The following ATP6V1E2 variants were observed in gnomAD, a reference collection of about 807,000 sequenced individuals.
ATP6V1E2 encodes the protein V-type proton ATPase subunit E 2.
For synonymous variants in ATP6V1E2, 121 were observed against 104.2 expected, an observed-to-expected ratio of 1.16 and a Z score of -0.98; for missense variants, 308 against 273.3, an observed-to-expected ratio of 1.13 and a Z score of -0.90.
At chr2:46,540,596 G>C (rs569289884) in intron 2 of ATP6V1E2, among the ~76,000 whole-genome samples, 1 of 122,444 alleles carries the variant, frequency 8.2e-6, no homozygotes, top group South Asian at 3.0e-4. Flanking sequence ...CCTGAAATTT[G>C]AGAGCTTTTT....
chr2:46,512,219 C>A lies in ATP6V1E2; in HGVS notation c.493G>T (p.Val165Phe), dbSNP rs775628350. Residue 165 changes from valine (V) to phenylalanine (F), a missense_variant, in exon 5 of 5, where the codon GTC (valine) becomes TTC (phenylalanine). By Grantham distance (50) the Val-to-Phe change is conservative. Coordinates refer to ENST00000522587, the MANE Select transcript of ATP6V1E2 (RefSeq NM_001318063.2). The part of the protein sequence containing the change: ...YMTISQKHVE[V>F]QIDKEAYLAV... ...AGGTATGCCTCTTTATCAATCTGGA[C>A]CTCCACATGTTTCTGGGAAATTGTC... 6.8e-6 allele frequency: 11 copies of A among 1,614,122 alleles called. No homozygotes were observed. In the East Asian group the frequency reaches 1.6e-4, roughly 23 times the overall value.
intron 4 of ATP6V1E2, among the ~76,000 whole-genome samples, chr2:46,522,657 T>C (rs1396848670): frequency 6.6e-6 from 1 of 152,210 alleles, no homozygotes; most frequent in African/African-American, 2.4e-5. Flanking sequence ...GGCATTTGGG[T>C]TGGTTCCAAG....
chr2:46,512,816 T>G lies in ATP6V1E2; in HGVS notation c.-101-4A>C. 1.0e-6 allele frequency: 1 copy of G among 964,300 alleles called. No homozygotes were observed. Among genetic ancestry groups the G allele is most frequent in the Non-Finnish European group, 1.5e-6 (1 of 662,078 alleles). The allele number at this position is 964,300 out of a possible 1,614,324, so 59.7% of individuals were successfully genotyped here. A position where few individuals can be genotyped will look rare whatever the true frequency, so the allele number is the denominator to read the frequency against. The stretch of plus-strand genomic sequence containing the variant: ...CTCTGGAGTTCCACTTTCTCAGCTA[T>G]ACCAGTGAACAAGAGGATGAAAGAG... On this transcript the variant is annotated splice_polypyrimidine_tract_variant and splice_region_variant and intron_variant, in intron 4 of 4. Transcript: ENST00000522587.
chr2:46,512,383 T>A lies in ATP6V1E2; in HGVS notation c.329A>T (p.Glu110Val), dbSNP rs1432618523. 1 of 1,614,030 alleles carries A rather than the reference T, an allele frequency of 6.2e-7. No individual in the cohort carries two copies. The highest frequency in any genetic ancestry group is 1.3e-5 in the African/African-American group (1 of 74,890). Reference protein sequence around the residue: ...LRLSRIVEDPEVYQGLLDKLV... With the variant: ...LRLSRIVEDPVVYQGLLDKLV... ...TTTATCCAGCAGCCCCTGGTAGACC[T>A]CTGGGTCCTCCACAATCCTGCTGAG... is the stretch of plus-strand genomic sequence containing the variant. Residue 110 changes from glutamate to valine, a missense_variant, in exon 5 of 5, where the codon GAG (glutamate) becomes GTG (valine). By Grantham distance (121) the Glu-to-Val change is moderately radical (BLOSUM62 -2). Transcript: ENST00000522587.
chr2:46,531,387 A>G (rs1307911981), intron 4 of ATP6V1E2, among the ~76,000 whole-genome samples: 1 of 152,214 alleles, frequency 6.6e-6, no homozygotes, highest in South Asian at 2.1e-4. Flanking sequence ...GCTCAATAAT[A>G]TTCCACTGTA....
At chr2:46,533,590 T>C (rs948350705) in intron 4 of ATP6V1E2, among the ~76,000 whole-genome samples, 5 of 152,226 alleles carry the variant, frequency 3.3e-5, no homozygotes, top group African/African-American at 1.2e-4. Context: ...AATTATGTTT[T>C]AAAGGAATTT....
intron 4 of ATP6V1E2, among the ~76,000 whole-genome samples, chr2:46,515,125 T>C (rs1490913578): frequency 6.6e-6 from 1 of 152,178 alleles, no homozygotes; most frequent in African/African-American, 2.4e-5. Flanking sequence ...CCTTACAAGA[T>C]ATACTAAATG....
At chr2:46,521,871 T>C (rs1216733350) in intron 4 of ATP6V1E2, among the ~76,000 whole-genome samples, 2 of 152,060 alleles carry the variant, frequency 1.3e-5, no homozygotes, top group African/African-American at 4.8e-5. Flanking sequence ...TTTGTATTTT[T>C]AGTAGAGGCG....
At chr2:46,524,980 G>A (rs979197820) in intron 4 of ATP6V1E2, among the ~76,000 whole-genome samples, 2 of 152,170 alleles carry the variant, frequency 1.3e-5, no homozygotes, top group Non-Finnish European at 2.9e-5. Flanking sequence ...AGATCAGCCT[G>A]GGGGTGGTGG....
intron 4 of ATP6V1E2, among the ~76,000 whole-genome samples, chr2:46,528,613 G>A (rs372880470): frequency 2.6e-5 from 4 of 152,218 alleles, no homozygotes; most frequent in African/African-American, 7.2e-5. Context: ...CCTCTGCCTT[G>A]GAGGCTCCAT....
intron 4 of ATP6V1E2, among the ~76,000 whole-genome samples, chr2:46,513,965 C>G (rs1687593086): frequency 6.6e-6 from 1 of 152,110 alleles, no homozygotes. Context: ...GGATGTATAT[C>G]TGAACCACTT....
intron 4 of ATP6V1E2, chr2:46,520,037 C>A (rs1415749991): frequency 6.6e-6 from 1 of 152,222 alleles, no homozygotes; most frequent in African/African-American, 2.4e-5. Flanking sequence ...GCTCCTGAAT[C>A]CCAGGATTCT....
chr2:46,537,176 C>A (rs2103940312), intron 2 of ATP6V1E2, among the ~76,000 whole-genome samples: 1 of 152,308 alleles, frequency 6.6e-6, no homozygotes. Flanking sequence ...CTGGTTGCCT[C>A]CTCAGCATGC....
intron 4 of ATP6V1E2, among the ~76,000 whole-genome samples, chr2:46,532,805 A>C (rs573486689): frequency 1.2e-3 from 182 of 152,268 alleles, no homozygotes; most frequent in African/African-American, 4.2e-3. Flanking sequence ...CAGCCTCTAG[A>C]ACTAAGAGAA....
At chr2:46,512,852 G>C in intron 4 of ATP6V1E2, 40 bp from the exon 5 acceptor site, 1 of 721,588 alleles carries the variant, frequency 1.4e-6, no homozygotes, top group Non-Finnish European at 2.2e-6. Flanking sequence ...AAAGTCAGAG[G>C]CTATAGAGGA....
chr2:46,529,399 T>C lies in ATP6V1E2; in HGVS notation c.-102+6414A>G, dbSNP rs547544778. Among the ~76,000 whole-genome samples the C allele has an allele frequency of 1.3e-3, 204 of 152,326 alleles. 5 individuals are homozygous for C. The South Asian group carries it at 0.039, about 29-fold the overall frequency. On this transcript the variant is annotated intron_variant, in intron 4 of 4. Coordinates refer to ENST00000522587, the MANE Select transcript of ATP6V1E2 (RefSeq NM_001318063.2). ...AGTGATCTTCTTGGGAAGAGGACTA[T>C]TTCTGACCCACTCTGCACTCATCTC...
At chr2:46,516,941 C>A (rs556091686) in intron 4 of ATP6V1E2, among the ~76,000 whole-genome samples, 19 of 152,300 alleles carry the variant, frequency 1.2e-4, no homozygotes, top group African/African-American at 3.8e-4. Flanking sequence ...CAATCCCTAT[C>A]AAAATCCTGA....
chr2:46,523,229 CTTTAG>C (rs1474253944), intron 4 of ATP6V1E2, among the ~76,000 whole-genome samples: 5 of 152,088 alleles, frequency 3.3e-5, no homozygotes, highest in Admixed American at 1.3e-4. Context: ...TGCAGAAGCT[CTTTAG>C]TTTAATTAGA....
chr2:46,529,756 A>G (rs1440702124), intron 4 of ATP6V1E2, among the ~76,000 whole-genome samples: 1 of 151,580 alleles, frequency 6.6e-6, no homozygotes, highest in Non-Finnish European at 1.5e-5. Context: ...ATCTGTCTTT[A>G]ATGATGATGA....
Sources: gnomAD v4.1 joint callset for allele counts (sites outside exome capture counted in the v4.1 genomes callset) on GRCh38, gnomAD v4.1.1 for gene constraint, MANE v1.5 for transcripts, NCBI Gene and HGNC (gene_info 2026-07-23, HGNC 2026-07-21) for gene names.